OXR1: variants seen among roughly 807,000 people sequenced by gnomAD.
The protein encoded by OXR1 is oxidation resistance protein 1.
Under a neutral mutation model 104.6 loss-of-function variants are expected in OXR1, and 41 were observed. The ratio of observed to expected loss-of-function variants is 0.39; its 90% CI spans 0.31 to 0.51. OXR1 has a LOEUF of 0.51. Ranked by LOEUF, OXR1 falls within the 20% of genes least tolerant of loss-of-function variation. The pLI is 0.77. For missense variants in OXR1, 955 were observed against 1,031.9 expected (o/e 0.93, Z 1.02); for synonymous variants, 348 against 348.4 (o/e 1.00, Z 0.01).
At chr8:106,524,021 C>T (rs2130158773) in intron 3 of OXR1, among the ~76,000 whole-genome samples, 1 of 152,252 alleles carries the variant, frequency 6.6e-6, no homozygotes, top group African/African-American at 2.4e-5. Context: ...CGTGATCCAT[C>T]TGCCTCGACC....
chr8:106,667,891 G>A (rs1826510346), intron 3 of OXR1, among the ~76,000 whole-genome samples: 1 of 150,674 alleles, frequency 6.6e-6, no homozygotes, highest in Non-Finnish European at 1.5e-5. Context: ...AGGAGGGAGT[G>A]ACAGAATGAA....
At chr8:106,282,789 C>T (rs74658908) in intron 1 of OXR1, among the ~76,000 whole-genome samples, 24,585 of 152,080 alleles carry the variant, frequency 0.16, 2,508 homozygotes, top group African/African-American at 0.28. Context: ...AGAAAATTCA[C>T]TTATAAATGG....
chr8:106,387,710 A>G (rs1159202909), intron 2 of OXR1, among the ~76,000 whole-genome samples: 2 of 152,218 alleles, frequency 1.3e-5, no homozygotes, highest in Non-Finnish European at 2.9e-5. Flanking sequence ...ATTTAATTTC[A>G]AATAGATCAT....
In OXR1 at chr8:106,751,100, T is replaced by C; in HGVS notation, c.*159T>C. On this transcript the variant is annotated 3_prime_UTR_variant, in exon 17 of 17. Coordinates refer to ENST00000517566, the MANE Select transcript of OXR1 (RefSeq NM_001198533.2). Reference sequence around the variant, plus strand: ...CAGTTATAATTTTGGAGTTTATTTTTCAAATCATGTTCTTGTCCCAGAGTT... The same window carrying C: ...CAGTTATAATTTTGGAGTTTATTTTCCAAATCATGTTCTTGTCCCAGAGTT... The C allele has an allele frequency of 1.9e-6, 1 of 537,814 alleles. No individual in the cohort carries two copies. Among genetic ancestry groups the C allele is most frequent in the Non-Finnish European group, 3.1e-6 (1 of 320,366 alleles). The allele number at this position is 537,814 out of a possible 1,614,324, so 33.3% of individuals were successfully genotyped here. A position where few individuals can be genotyped will look rare whatever the true frequency, so the allele number is the denominator to read the frequency against.
intron 9 of OXR1, among the ~76,000 whole-genome samples, chr8:106,708,219 C>G (rs1831336135): frequency 6.6e-6 from 1 of 151,886 alleles, no homozygotes; most frequent in African/African-American, 2.4e-5. Flanking sequence ...TGGCAAAACC[C>G]TGTTTCTACA....
intron 1 of OXR1, among the ~76,000 whole-genome samples, chr8:106,318,169 A>T (rs1814054340): frequency 6.6e-6 from 1 of 152,242 alleles, no homozygotes; most frequent in African/African-American, 2.4e-5. Context: ...TATTAAAAAA[A>T]ATCAATGGCT....
intron 3 of OXR1, among the ~76,000 whole-genome samples, chr8:106,529,140 A>G (rs1179922783): frequency 6.6e-6 from 1 of 152,154 alleles, no homozygotes; most frequent in Non-Finnish European, 1.5e-5. Flanking sequence ...AGTAGCCAAT[A>G]TGGAATTTTT....
chr8:106,460,774 TAC>T (rs977703153), intron 2 of OXR1, among the ~76,000 whole-genome samples: 4 of 152,168 alleles, frequency 2.6e-5, no homozygotes, highest in African/African-American at 9.7e-5. Context: ...ACTAGCCATG[TAC>T]ACTGGTCTAA....
intron 3 of OXR1, among the ~76,000 whole-genome samples, chr8:106,651,439 G>A (rs926933535): frequency 2.6e-5 from 4 of 152,074 alleles, no homozygotes; most frequent in African/African-American, 9.7e-5. Context: ...TTCTGTCCAC[G>A]GTGTGAGGTA....
chr8:106,663,668 C>T (rs1479683469), intron 3 of OXR1, among the ~76,000 whole-genome samples: 2 of 152,224 alleles, frequency 1.3e-5, no homozygotes, highest in Non-Finnish European at 2.9e-5. Context: ...GCCAGCATTA[C>T]TGCCTGAGCT....
intron 2 of OXR1, among the ~76,000 whole-genome samples, chr8:106,431,332 T>C (rs1819351260): frequency 6.6e-6 from 1 of 152,194 alleles, no homozygotes; most frequent in Non-Finnish European, 1.5e-5. Flanking sequence ...TTTAAACTGG[T>C]GTGGATAACT....
At chr8:106,513,751 A>G (rs989832797) in intron 2 of OXR1, among the ~76,000 whole-genome samples, 9 of 152,148 alleles carry the variant, frequency 5.9e-5, no homozygotes, top group African/African-American at 1.7e-4. Flanking sequence ...AAATGATTGG[A>G]ACTTGCATTT....
chr8:106,686,486 C>T (rs1313241817), intron 6 of OXR1, among the ~76,000 whole-genome samples: 1 of 151,946 alleles, frequency 6.6e-6, no homozygotes, highest in African/African-American at 2.4e-5. Flanking sequence ...ATTTCTATGA[C>T]TTTCTGCATA....
At chr8:106,559,601 A>G (rs1048607329) in intron 3 of OXR1, among the ~76,000 whole-genome samples, 1 of 152,218 alleles carries the variant, frequency 6.6e-6, no homozygotes, top group African/African-American at 2.4e-5. Context: ...TATAAGACAA[A>G]TTTATTTCTT....
At chr8:106,310,043 T>G (rs1239997807) in intron 1 of OXR1, among the ~76,000 whole-genome samples, 1 of 151,948 alleles carries the variant, frequency 6.6e-6, no homozygotes. Flanking sequence ...GATTTCCTAC[T>G]GTGGAAAATG....
At chr8:106,608,877 T>C (rs1820600974) in intron 3 of OXR1, among the ~76,000 whole-genome samples, 1 of 152,196 alleles carries the variant, frequency 6.6e-6, no homozygotes, top group Admixed American at 6.5e-5. Flanking sequence ...TACTCTGAAT[T>C]CTTAGTGACA....
At chr8:106,357,399 T>A (rs569210824) in intron 1 of OXR1, among the ~76,000 whole-genome samples, 1 of 152,174 alleles carries the variant, frequency 6.6e-6, no homozygotes. Flanking sequence ...TCTTTTGGAA[T>A]GTAAACAGAC....
Position 106,339,514 on chromosome 8 carries a change from AAAAAAATATAT to A in OXR1, c.-138-19960_-138-19950del, listed in dbSNP as rs1451297687. On this transcript the variant is annotated intron_variant, in intron 1 of 16. Transcript: ENST00000517566. The stretch of plus-strand genomic sequence containing the variant: ...ATCCAAAAAAAAAAAAAAAAAAAAA[AAAAAAATATAT>A]ATATATATATATATATATATATATA... Among the ~76,000 whole-genome samples the A allele has an allele frequency of 3.8e-4, 14 of 36,398 alleles. 1 individual carries two copies. Among genetic ancestry groups the A allele is most frequent in the African/African-American group, 2.3e-3 (12 of 5,180 alleles). 23.9% of individuals were successfully genotyped at this position (36,398 alleles called of 152,430 possible). A position where few individuals can be genotyped will look rare whatever the true frequency, so the allele number is the denominator to read the frequency against.
At position 106,745,963 on chromosome 8, in the gene OXR1, G is replaced by T. The variant is rs189274022; in HGVS notation, c.2486+101G>T. 1.5e-4 allele frequency: 96 copies of T among 657,888 alleles called. No homozygotes were observed. In the African/African-American group the frequency reaches 1.5e-3, roughly 11 times the overall value. The allele number at this position is 657,888 out of a possible 1,614,324, so 40.8% of individuals were successfully genotyped here. ...TTGTCTTTAGAAAGTGTTGACGTTA[G>T]AATTCAAATTTGTATATTATGAAAA... On this transcript the variant is annotated intron_variant, in intron 16 of 16. Transcript: ENST00000517566.
Sources: allele counts gnomAD v4.1 joint callset (sites outside exome capture counted in the v4.1 genomes callset), GRCh38; gene constraint gnomAD v4.1.1; transcripts MANE v1.5; gene names NCBI Gene and HGNC (gene_info 2026-07-23, HGNC 2026-07-21).